Variants in PI4KA observed in about 807,000 individuals in gnomAD.
PI4KA encodes phosphatidylinositol 4-kinase alpha, also known as PI4-kinase alpha.
A neutral mutation model predicts 271.4 loss-of-function variants in PI4KA; 122 were observed. That is an observed-to-expected ratio of 0.45 (90% CI 0.39 to 0.52). The LOEUF is 0.52. Among genes scored for constraint, PI4KA ranks in the 20% least tolerant of loss-of-function variants. The pLI is 0.00. For missense variants in PI4KA, 1,969 were observed against 2,769.1 expected (o/e 0.71, Z 6.48); for synonymous variants, 1,041 against 1,078.8 (o/e 0.96, Z 0.69).
At chr22:20,715,836 C>T (rs1328415777) in intron 45 of PI4KA, among the ~76,000 whole-genome samples, 2 of 152,132 alleles carry the variant, frequency 1.3e-5, no homozygotes, top group Admixed American at 6.6e-5. Context: ...GCTCAGGGAC[C>T]ATGTCTTACT....
rs746392950 is a variant in PI4KA at position 20,804,320 on chromosome 22, G to C, written c.1441C>G (p.Leu481Val). Residue 481 changes from leucine (L) to valine (V), a missense_variant, in exon 12 of 55, where the codon CTG (leucine) becomes GTG (valine). Transcript: ENST00000255882. ...SSKVIIAHLP[L>V]LICCLQGLGR... ...CTGACCTGCAGACAGCAGATCAGCA[G>C]GGGCAAGTGAGCAATAATGACTTTG... The C allele has an allele frequency of 6.2e-7, 1 of 1,613,426 alleles. No homozygotes were observed. The highest frequency in any genetic ancestry group is 1.1e-5 in the South Asian group (1 of 91,068).
rs199517805 is a variant in PI4KA, at chr22:20,837,058, G to GA, written c.273+1556dup. Reference sequence around the variant, plus strand: ...ATATTTATGTAGGATATGGTAAACAGAAAAAAAAAATGGTTTTCTTTCTTT... The same window carrying GA: ...ATATTTATGTAGGATATGGTAAACAGAAAAAAAAAAATGGTTTTCTTTCTTT... On this transcript the variant is annotated intron_variant, in intron 2 of 54. Transcript: ENST00000255882. 6.2e-3 allele frequency among the ~76,000 whole-genome samples: 922 copies of GA among 148,820 alleles called. 5 individuals carry two copies. Among genetic ancestry groups the GA allele is most frequent in the Middle Eastern group, 0.01 (3 of 290 alleles).
chr22:20,787,037 G>A, intron 19 of PI4KA: 1 of 1,614,044 alleles, frequency 6.2e-7, no homozygotes, highest in South Asian at 1.1e-5. Flanking sequence ...GCTCTTCATG[G>A]GAAGAGTGGC....
chr22:20,749,770 T>C (rs1356046892), intron 28 of PI4KA, 135 bp downstream of exon 28: 1 of 643,756 alleles, frequency 1.6e-6, no homozygotes, highest in Non-Finnish European at 2.9e-6. Context: ...TCTATTATTC[T>C]CAGGCCCTAG....
intron 19 of PI4KA, among the ~76,000 whole-genome samples, 200 bp from the exon 20 acceptor site, chr22:20,765,893 ACCAGGTGCTGTG>A (rs1932480959): frequency 6.6e-6 from 1 of 152,198 alleles, no homozygotes; most frequent in Non-Finnish European, 1.5e-5. Flanking sequence ...CCTAGTGTGC[ACCAGGTGCTGTG>A]CCAGGGAGGA....
chr22:20,793,051 T>A, intron 19 of PI4KA, 142 bp downstream of exon 19: 2 of 624,394 alleles, frequency 3.2e-6, no homozygotes, highest in East Asian at 5.5e-5. Context: ...GAAAAGCTGG[T>A]GATGGCTGCA....
chr22:20,840,961 C>G lies in PI4KA; in HGVS notation c.157-2230G>C, dbSNP rs922627604. ...AGGCTGAGACCTACTGGGCTACATT[C>G]CCAGGCAGTTCAGGCATTCTAAGTC... On this transcript the variant is annotated intron_variant, in intron 1 of 54. Transcript: ENST00000255882. Among the ~76,000 whole-genome samples the G allele has an allele frequency of 9.9e-5, 15 of 152,270 alleles. 1 individual carries two copies. In the East Asian group the frequency reaches 1.2e-3, roughly 12 times the overall value.
At chr22:20,780,181 T>C in intron 19 of PI4KA, 3 of 1,614,236 alleles carry the variant, frequency 1.9e-6, no homozygotes, top group Non-Finnish European at 2.5e-6. Context: ...ATGATGATTC[T>C]CAACTGCATC....
Position 20,836,148 on chromosome 22 carries a change from T to C in PI4KA, c.274-1493A>G, listed in dbSNP as rs151201828. ...TCCACCTGGCTCTTTTTCAGGACATTTGCCCTGGAACCTAGACACTATGCT... is the reference window on the plus strand; with the variant it reads ...TCCACCTGGCTCTTTTTCAGGACATCTGCCCTGGAACCTAGACACTATGCT... On this transcript the variant is annotated intron_variant, in intron 2 of 54. Coordinates refer to ENST00000255882, the MANE Select transcript of PI4KA (RefSeq NM_058004.4). Among the ~76,000 whole-genome samples the C allele has an allele frequency of 2.3e-3, 350 of 152,250 alleles. 1 individual carries two copies. The highest frequency in any genetic ancestry group is 8.0e-3 in the African/African-American group (333 of 41,542).
At chr22:20,760,761 G>A (rs1295099223) in intron 23 of PI4KA, among the ~76,000 whole-genome samples, 1 of 152,036 alleles carries the variant, frequency 6.6e-6, no homozygotes, top group East Asian at 1.9e-4. Context: ...CCATTTCTCT[G>A]TCTTCCCAGG....
intron 45 of PI4KA, among the ~76,000 whole-genome samples, chr22:20,716,829 C>T (rs5760177): frequency 1.3e-5 from 2 of 152,248 alleles, no homozygotes; most frequent in Admixed American, 6.5e-5. Flanking sequence ...GTGAGCTCAA[C>T]ACAATGTGTT....
intron 19 of PI4KA, among the ~76,000 whole-genome samples, chr22:20,789,881 G>T (rs1934520090): frequency 6.6e-6 from 1 of 152,176 alleles, no homozygotes; most frequent in Non-Finnish European, 1.5e-5. Flanking sequence ...ACCTGGTTTT[G>T]CAGGCACTGA....
chr22:20,781,059 T>G lies in PI4KA; in HGVS notation c.2328+12134A>C, dbSNP rs1045807731. On this transcript the variant is annotated intron_variant, in intron 19 of 54. Coordinates refer to ENST00000255882, the MANE Select transcript of PI4KA (RefSeq NM_058004.4). ...ACCTACAAGTGCTTTTCAGGATACTTTTGAACTACTGGGCAGGTGGGATGG... is the reference window on the plus strand; with the variant it reads ...ACCTACAAGTGCTTTTCAGGATACTGTTGAACTACTGGGCAGGTGGGATGG... Among the ~76,000 whole-genome samples the G allele has an allele frequency of 3.9e-5, 6 of 152,222 alleles. No homozygotes were observed. The South Asian group carries it at 1.2e-3, about 32-fold the overall frequency.
At chr22:20,755,396 A>C (rs912827950) in intron 23 of PI4KA, among the ~76,000 whole-genome samples, 2 of 152,110 alleles carry the variant, frequency 1.3e-5, no homozygotes, top group African/African-American at 4.8e-5. Context: ...CCTAGAATCA[A>C]CCATTTCTCC....
intron 23 of PI4KA, among the ~76,000 whole-genome samples, chr22:20,755,430 G>A (rs1568993060): frequency 6.6e-6 from 1 of 152,094 alleles, no homozygotes; most frequent in Non-Finnish European, 1.5e-5. Context: ...TCCTTTTATT[G>A]GAGAATACTA....
intron 39 of PI4KA, 30 bp downstream of exon 39, chr22:20,729,283 T>A (rs1368040840): frequency 6.3e-7 from 1 of 1,596,386 alleles, no homozygotes; most frequent in Non-Finnish European, 8.5e-7. Flanking sequence ...TGGTGAGGCC[T>A]GTGTCAGGCT....
intron 1 of PI4KA, among the ~76,000 whole-genome samples, chr22:20,857,689 T>C (rs1391586678): frequency 6.7e-6 from 1 of 150,302 alleles, no homozygotes; most frequent in Non-Finnish European, 1.5e-5. Context: ...AGAACTCATT[T>C]AATTCTCAAG....
In PI4KA at chr22:20,799,210, G is replaced by A. The variant is rs1258405756; in HGVS notation, c.1887C>T (p.Asp629=). The change falls in exon 16 of 55, where the codon GAC becomes GAT. Residue 629 remains aspartate, a synonymous_variant. Coordinates refer to ENST00000255882, the MANE Select transcript of PI4KA (RefSeq NM_058004.4). ...GAATGGGCTCCATGACCTTCGGGGT[G>A]TCCCTCAAGGCCACCGCAATGTGTC... ...ALGHIAVALR[D]TPKVMEPILQ... The A allele has an allele frequency of 2.5e-6, 4 of 1,584,068 alleles. No individual in the cohort carries two copies. The highest frequency in any genetic ancestry group is 3.4e-6 in the Non-Finnish European group (4 of 1,165,462).
At chr22:20,708,141 C>T (rs1300486153) in intron 54 of PI4KA, 43 bp from the exon 55 acceptor site, 12 of 1,559,018 alleles carry the variant, frequency 7.7e-6, no homozygotes, top group Non-Finnish European at 1.1e-5. Flanking sequence ...GAGGAGCCAG[C>T]AGGGTCTGGG....
Sources: allele counts gnomAD v4.1 joint callset (sites outside exome capture counted in the v4.1 genomes callset), GRCh38; gene constraint gnomAD v4.1.1; transcripts MANE v1.5; gene names NCBI Gene and HGNC (gene_info 2026-07-23, HGNC 2026-07-21).